SMG1: variants seen among roughly 807,000 people sequenced by gnomAD.
SMG1 encodes the protein serine/threonine-protein kinase SMG1.
SMG1 carries 22 observed loss-of-function variants against 419.9 expected under a neutral mutation model. That is an observed-to-expected ratio of 0.05 (90% CI 0.04 to 0.07). SMG1 has a LOEUF of 0.07. Among genes scored for constraint, SMG1 ranks in the 10% least tolerant of loss-of-function variants. The pLI is 1.00. For synonymous variants in SMG1, 1,538 were observed against 1,553.5 expected (o/e 0.99, Z 0.23); for missense variants, 3,185 against 4,342.0 (o/e 0.73, Z 7.49).
intron 1 of SMG1, among the ~76,000 whole-genome samples, chr16:18,907,623 G>A (rs921746730): frequency 3.9e-5 from 6 of 152,124 alleles, no homozygotes; most frequent in Non-Finnish European, 8.8e-5. Flanking sequence ...GCCGAGGCGG[G>A]CGGATCATGA....
At chr16:18,861,603 G>A (rs2035220342) in intron 25 of SMG1, 2 of 152,212 alleles carry the variant, frequency 1.3e-5, no homozygotes, top group Non-Finnish European at 2.9e-5. Flanking sequence ...ATTCTACCTA[G>A]ATCCGTGCAA....
Position 18,839,923 on chromosome 16 carries a change from A to T in SMG1, c.6720T>A (p.Pro2240=), listed in dbSNP as rs1264940533. 6.2e-7 allele frequency: 1 copy of T among 1,600,062 alleles called. No individual in the cohort carries two copies. The highest frequency in any genetic ancestry group is 1.7e-5 in the Admixed American group (1 of 57,342). The part of the protein sequence containing the change: ...AQKAQDSYQT[P]QNPGIVPRPS... ...GACGGGGTACAATTCCAGGATTCTG[A>T]GGAGTTTGGTAGGAATCTTGGGCCT... The change falls in exon 42 of 63, where the codon CCT becomes CCA. Residue 2240 remains proline, a synonymous_variant. Transcript: ENST00000446231.
At position 18,876,245 on chromosome 16, in the gene SMG1, G is replaced by A. The variant is rs776117433; in HGVS notation, c.1769C>T (p.Ser590Phe). 6.2e-7 allele frequency: 1 copy of A among 1,611,740 alleles called. No individual in the cohort carries two copies. ...CTTAAAAGCCTCATGTTTTATTTCAGAACAGGCCTCAGGAAGTTGTAGACT... is the reference window on the plus strand; with the variant it reads ...CTTAAAAGCCTCATGTTTTATTTCAAAACAGGCCTCAGGAAGTTGTAGACT... ...LHSLQLPEAC[S>F]EIKHEAFKNH... The change falls in exon 13 of 63, where the codon TCT (serine) becomes TTT (phenylalanine). Residue 590 changes from serine to phenylalanine, a missense_variant. Ser to Phe is a radical substitution (Grantham distance 155). Coordinates refer to ENST00000446231, the MANE Select transcript of SMG1 (RefSeq NM_015092.5).
Position 18,816,794 on chromosome 16 carries a change from A to G in SMG1, c.10075-265T>C, listed in dbSNP as rs144645651. 5.1e-3 allele frequency among the ~76,000 whole-genome samples: 780 copies of G among 152,340 alleles called. 6 individuals are homozygous for G. Among genetic ancestry groups the G allele is most frequent in the Middle Eastern group, 0.027 (8 of 294 alleles). On this transcript the variant is annotated intron_variant, in intron 57 of 62. Transcript: ENST00000446231. ...ACCTGAGAAATACATTCGGAATCAC[A>G]AAGATGACTGGCAATCCAGGTCCCT...
intron 12 of SMG1, 141 bp downstream of exon 12, chr16:18,876,988 TAA>T: frequency 1.7e-6 from 1 of 586,468 alleles, no homozygotes; most frequent in South Asian, 2.1e-5. Flanking sequence ...AATACAAACT[TAA>T]AAGAACAAAT....
At chr16:18,904,091 C>T (rs1448484584) in intron 1 of SMG1, among the ~76,000 whole-genome samples, 2 of 151,378 alleles carry the variant, frequency 1.3e-5, no homozygotes, top group Non-Finnish European at 2.9e-5. Context: ...GCGCCCAACA[C>T]CACGCCCGGC....
intron 16 of SMG1, 102 bp downstream of exon 16, chr16:18,871,262 C>G (rs2035801051): frequency 1.0e-5 from 6 of 575,698 alleles, no homozygotes; most frequent in Admixed American, 3.6e-5. Context: ...TACACATCTT[C>G]AGGTCAGGAA....
At position 18,811,792 on chromosome 16, in the gene SMG1, T is replaced by C; in HGVS notation, c.10877A>G (p.Asp3626Gly). ...VKAKLEGRDV[D>G]PNRRMSVAEQ... ...AGCAACTGACATCCTCCTATTCGGA[T>C]CAACATCTCGGCCCTCTAACTTGGC... The change falls in exon 62 of 63, where the codon GAT becomes GGT. Residue 3626 changes from aspartate (D) to glycine (G), a missense_variant. Asp to Gly is a moderately conservative substitution (Grantham distance 94). Coordinates refer to ENST00000446231, the MANE Select transcript of SMG1 (RefSeq NM_015092.5). The C allele has an allele frequency of 1.2e-6, 2 of 1,613,996 alleles. No homozygotes were observed. Among genetic ancestry groups the C allele is most frequent in the Non-Finnish European group, 1.7e-6 (2 of 1,179,878 alleles).
intron 1 of SMG1, among the ~76,000 whole-genome samples, chr16:18,902,095 T>G (rs1378981595): frequency 1.3e-5 from 2 of 152,100 alleles, no homozygotes; most frequent in African/African-American, 4.8e-5. Flanking sequence ...AGACTAAGGT[T>G]AGCCACATGG....
Position 18,805,585 on chromosome 16 carries a change from G to A in SMG1, c.*3984C>T, listed in dbSNP as rs935518756. 1.3e-5 allele frequency: 2 copies of A among 152,090 alleles called. No individual in the cohort carries two copies. The highest frequency in any genetic ancestry group is 2.9e-5 in the Non-Finnish European group (2 of 68,010). 9.4% of individuals were successfully genotyped at this position (152,090 alleles called of 1,614,324 possible). ...AGCAGGAAGTGCAACAAACCCTTAG[G>A]GTTTCATGATACAGTGAATTTTCCC... On this transcript the variant is annotated 3_prime_UTR_variant, in exon 63 of 63. Coordinates refer to ENST00000446231, the MANE Select transcript of SMG1 (RefSeq NM_015092.5).
intron 1 of SMG1, among the ~76,000 whole-genome samples, chr16:18,908,476 C>CAAA (rs59890240): frequency 3.2e-4 from 27 of 83,640 alleles, no homozygotes; most frequent in African/African-American, 9.2e-4. Context: ...GACTCCGTCT[C>CAAA]AAAAAAAAAA....
Position 18,815,260 on chromosome 16 carries a change from A to G in SMG1, c.10536T>C (p.Ser3512=). The change falls in exon 60 of 63, where the codon AGT becomes AGC. Residue 3512 remains serine (S), a synonymous_variant. Coordinates refer to ENST00000446231, the MANE Select transcript of SMG1 (RefSeq NM_015092.5). The part of the protein sequence containing the change: ...QSQSIYNNLV[S]FASPLVTDAT... ...CATCGGTGACTAAGGGTGATGCAAAACTCACTAAATTATTATAGATACTGA... is the reference window on the plus strand; with the variant it reads ...CATCGGTGACTAAGGGTGATGCAAAGCTCACTAAATTATTATAGATACTGA... 1 of 1,585,036 alleles carries G rather than the reference A, an allele frequency of 6.3e-7. No individual in the cohort carries two copies. The highest frequency in any genetic ancestry group is 1.8e-5 in the Admixed American group (1 of 55,880).
intron 13 of SMG1, among the ~76,000 whole-genome samples, chr16:18,873,507 C>T (rs1163280160): frequency 1.3e-5 from 2 of 152,324 alleles, no homozygotes; most frequent in East Asian, 1.9e-4. Flanking sequence ...TGAACCACTG[C>T]GCCCAGCCCA....
rs977385817 is a variant in SMG1 at position 18,851,567 on chromosome 16, C to CT, written c.5052+499dup. 1.4e-4 allele frequency among the ~76,000 whole-genome samples: 21 copies of CT among 152,190 alleles called. No individual in the cohort carries two copies. The South Asian group carries it at 1.7e-3, about 12-fold the overall frequency. On this transcript the variant is annotated intron_variant, in intron 33 of 62. Transcript: ENST00000446231. ...ACCTAAAATGAACTTCACTTAATAA[C>CT]TTTTTTTTCTTTTGAGACAGTCTCA...
chr16:18,916,040 G>C (rs1280274749), intron 1 of SMG1, among the ~76,000 whole-genome samples: 2 of 128,032 alleles, frequency 1.6e-5, no homozygotes, highest in Admixed American at 1.9e-4. Flanking sequence ...TTGCACTCCA[G>C]CCTGGGGGAT....
In SMG1 at chr16:18,866,426, A is replaced by C. The variant is rs1380213576; in HGVS notation, c.3350+195T>G. On this transcript the variant is annotated intron_variant, in intron 23 of 62. Transcript: ENST00000446231. ...CAGTGTGATTTGCCACTAATTCTTC[A>C]GTAAGAAAGGCACTCAAGTATTGCT... The C allele has an allele frequency of 9.9e-6, 6 of 608,136 alleles. No individual in the cohort carries two copies. In the Admixed American group the frequency reaches 1.8e-4, roughly 18 times the overall value. 37.7% of individuals were successfully genotyped at this position (608,136 alleles called of 1,614,324 possible).
intron 17 of SMG1, 26 bp downstream of exon 17, chr16:18,870,775 C>A (rs1342497805): frequency 2.6e-6 from 4 of 1,524,590 alleles, no homozygotes; most frequent in Non-Finnish European, 3.6e-6. Context: ...GGGTTAATGT[C>A]AAAAGACATG....
chr16:18,894,544 A>G (rs1177669855), intron 3 of SMG1, among the ~76,000 whole-genome samples: 4 of 152,176 alleles, frequency 2.6e-5, no homozygotes, highest in African/African-American at 7.2e-5. Context: ...CTATTTTAAC[A>G]AACAGCATAG....
chr16:18,880,407 G>C (rs1231321296), intron 10 of SMG1, among the ~76,000 whole-genome samples: 2 of 152,074 alleles, frequency 1.3e-5, no homozygotes, highest in Non-Finnish European at 2.9e-5. Context: ...TCTACCCATA[G>C]TTTTCATTAA....
Sources: allele counts gnomAD v4.1 joint callset (sites outside exome capture counted in the v4.1 genomes callset), GRCh38; gene constraint gnomAD v4.1.1; transcripts MANE v1.5; gene names NCBI Gene and HGNC (gene_info 2026-07-23, HGNC 2026-07-21).